USH1C: variants seen among roughly 807,000 people sequenced by gnomAD.
USH1C encodes harmonin.
USH1C carries 90 observed loss-of-function variants against 119.3 expected under a neutral mutation model. That is an observed-to-expected ratio of 0.75 (90% CI 0.64 to 0.90). The LOEUF (loss-of-function observed/expected upper bound fraction) is 0.90, where lower values mean the gene tolerates loss of function less well. USH1C is among the 40% of genes least tolerant of loss of function. The pLI is 0.00. For synonymous variants in USH1C, 465 were observed against 443.3 expected (o/e 1.05, Z -0.62); for missense variants, 1,165 against 1,167.7 (o/e 1.00, Z 0.03).
At position 17,516,328 on chromosome 11, in the gene USH1C, C is replaced by T. The variant is rs370366370; in HGVS notation, c.1211-38G>A. 8 of 1,598,546 alleles carry T rather than the reference C, an allele frequency of 5.0e-6. No homozygotes were observed. In the African/African-American group the frequency reaches 9.4e-5, roughly 19 times the overall value. ...GATAACAAAATGATGAGACACAGTT[C>T]AGCTCAGCCAGAGCATCCATGGGCA... On this transcript the variant is annotated intron_variant, in intron 14 of 26. Transcript: ENST00000005226.
At chr11:17,525,461 G>A (rs1850625916) in intron 8 of USH1C, among the ~76,000 whole-genome samples, 1 of 152,200 alleles carries the variant, frequency 6.6e-6, no homozygotes, top group Admixed American at 6.5e-5. Flanking sequence ...TATTTAGCAG[G>A]TACTAAGTTT....
intron 1 of USH1C, among the ~76,000 whole-genome samples, chr11:17,541,024 C>A (rs1370337396): frequency 6.6e-6 from 1 of 152,194 alleles, no homozygotes; most frequent in Non-Finnish European, 1.5e-5. Context: ...TACAGGCGGG[C>A]ATCTGCTTGC....
At chr11:17,497,027 C>T in intron 24 of USH1C, 1 of 544,036 alleles carries the variant, frequency 1.8e-6, no homozygotes, top group Non-Finnish European at 3.3e-6. Flanking sequence ...GCTGCAAGGC[C>T]CTTGAATGAC....
In USH1C at chr11:17,495,171, G is replaced by T. The variant is rs1849202092; in HGVS notation, c.2655+398C>A. 4.7e-5 allele frequency: 14 copies of T among 300,532 alleles called. No individual in the cohort carries two copies. In the South Asian group the frequency reaches 4.7e-4, roughly 10 times the overall value. The allele number at this position is 300,532 out of a possible 1,614,324, so 18.6% of individuals were successfully genotyped here. On this transcript the variant is annotated intron_variant, in intron 26 of 26. Coordinates refer to ENST00000005226, the MANE Select transcript of USH1C (RefSeq NM_153676.4). ...CACATTCTGTTGAGGACATCTCTTG[G>T]GGGCAATTCCAGCCAGGCTTCCTGT...
At chr11:17,509,289 C>A in intron 18 of USH1C, 67 bp downstream of exon 18, 1 of 1,504,720 alleles carries the variant, frequency 6.6e-7, no homozygotes, top group Non-Finnish European at 8.9e-7. Context: ...CAGTGGAGGA[C>A]ATGGGAAACA....
At chr11:17,508,496 G>A (rs1737112795) in intron 18 of USH1C, among the ~76,000 whole-genome samples, 1 of 152,198 alleles carries the variant, frequency 6.6e-6, no homozygotes, top group African/African-American at 2.4e-5. Context: ...ACCCTCAGCT[G>A]ACATGAGATG....
Position 17,526,417 on chromosome 11 carries a change from G to C in USH1C, c.604C>G (p.Pro202Ala). Reference protein sequence around the residue: ...SGGVRGSLGSPGNRENKEKKV... With the variant: ...SGGVRGSLGSAGNRENKEKKV... ...TTCTCCTTGTTTTCCCGATTTCCAG[G>C]GGAGCCCAGGCTGCCTCGCACGCCC... The change falls in exon 8 of 27, where the codon CCT becomes GCT. Residue 202 changes from proline to alanine, a missense_variant. By Grantham distance (27) the Pro-to-Ala change is conservative. Coordinates refer to ENST00000005226, the MANE Select transcript of USH1C (RefSeq NM_153676.4). 1 of 1,614,096 alleles carries C rather than the reference G, an allele frequency of 6.2e-7. No individual in the cohort carries two copies. The highest frequency in any genetic ancestry group is 8.5e-7 in the Non-Finnish European group (1 of 1,180,004).
chr11:17,533,772 C>A (rs78998926), intron 1 of USH1C: 1 of 459,046 alleles, frequency 2.2e-6, no homozygotes, highest in Admixed American at 2.3e-5. Context: ...TTGGGCCACT[C>A]GCTTAGATAG....
chr11:17,531,077 C>T lies in USH1C; in HGVS notation c.387+77G>A, dbSNP rs1850945096. On this transcript the variant is annotated intron_variant, in intron 4 of 26. Transcript: ENST00000005226. This position sits in a 1 kb window ranked among gnomAD's most constrained non-coding sequence, Gnocchi z 4.2. ...AAGTGGGTGACCATGTTGTGCCACACAGCCTAGTGGATGAATGAGGGGGAG... is the reference window on the plus strand; with the variant it reads ...AAGTGGGTGACCATGTTGTGCCACATAGCCTAGTGGATGAATGAGGGGGAG... 6.2e-7 allele frequency: 1 copy of T among 1,606,986 alleles called. No individual in the cohort carries two copies. Among genetic ancestry groups the T allele is most frequent in the Admixed American group, 1.7e-5 (1 of 59,216 alleles).
At chr11:17,537,252 T>C (rs1851265239) in intron 1 of USH1C, among the ~76,000 whole-genome samples, 1 of 152,244 alleles carries the variant, frequency 6.6e-6, no homozygotes, top group African/African-American at 2.4e-5. Context: ...TGCCTAGCAC[T>C]AGCCCGAGGA....
chr11:17,521,664 C>T (rs1850420421), intron 12 of USH1C, among the ~76,000 whole-genome samples: 1 of 152,138 alleles, frequency 6.6e-6, no homozygotes, highest in African/African-American at 2.4e-5. Context: ...ATGTGAAGGC[C>T]ACACTCCATG....
chr11:17,526,430 GC>G lies in USH1C; in HGVS notation c.590del (p.Gly197AlafsTer21), dbSNP rs764360108. On this transcript the variant is annotated frameshift_variant, in exon 8 of 27. Coordinates refer to ENST00000005226, the MANE Select transcript of USH1C (RefSeq NM_153676.4). LOFTEE classifies it high-confidence loss of function. ...QFVSESGGVR[G>X]SLGSPGNREN... ...CCCGATTTCCAGGGGAGCCCAGGCT[GC>G]CTCGCACGCCCTGAAAGAGAGATAG... is the stretch of plus-strand genomic sequence containing the variant. The G allele has an allele frequency of 6.2e-7, 1 of 1,613,984 alleles. No individual in the cohort carries two copies. The highest frequency in any genetic ancestry group is 1.1e-5 in the South Asian group (1 of 91,076).
At chr11:17,521,118 A>G (rs1850394161) in intron 13 of USH1C, 124 bp from the exon 14 acceptor site, 2 of 1,353,444 alleles carry the variant, frequency 1.5e-6, no homozygotes, top group Non-Finnish European at 2.1e-6. Flanking sequence ...TGAATCAAGC[A>G]AAGTCCCCGA....
intron 1 of USH1C, among the ~76,000 whole-genome samples, chr11:17,534,231 C>T (rs1565068302): frequency 6.6e-6 from 1 of 152,232 alleles, no homozygotes; most frequent in Non-Finnish European, 1.5e-5. Context: ...CAGCTGGAAG[C>T]TGCATGCTCT....
chr11:17,506,521 C>T (rs181373766), intron 18 of USH1C, among the ~76,000 whole-genome samples: 127 of 152,336 alleles, frequency 8.3e-4, no homozygotes, highest in African/African-American at 2.9e-3. Context: ...TCCCCAGTGT[C>T]CGCATTGACT....
At chr11:17,537,861 T>C (rs1851291768) in intron 1 of USH1C, among the ~76,000 whole-genome samples, 1 of 152,206 alleles carries the variant, frequency 6.6e-6, no homozygotes, top group Non-Finnish European at 1.5e-5. Context: ...GTGAACGTTA[T>C]CATCCCCACT....
chr11:17,540,196 A>G (rs2133957432), intron 1 of USH1C, among the ~76,000 whole-genome samples: 1 of 152,284 alleles, frequency 6.6e-6, no homozygotes, highest in Non-Finnish European at 1.5e-5. Context: ...GTATATATTT[A>G]GTGTATACAA....
intron 23 of USH1C, among the ~76,000 whole-genome samples, chr11:17,500,447 T>C (rs549005309): frequency 3.3e-5 from 5 of 152,270 alleles, no homozygotes; most frequent in African/African-American, 1.2e-4. Context: ...GAGGATTAAG[T>C]GAGTTAATAT....
At chr11:17,515,059 G>C (rs1850080162) in intron 15 of USH1C, among the ~76,000 whole-genome samples, 1 of 113,364 alleles carries the variant, frequency 8.8e-6, no homozygotes, top group South Asian at 2.9e-4. Flanking sequence ...GCATGTGTGT[G>C]TGTGCTTGTG....
Sources: allele counts gnomAD v4.1 joint callset (sites outside exome capture counted in the v4.1 genomes callset), GRCh38; gene constraint gnomAD v4.1.1; non-coding constraint Gnocchi (gnomAD v3.1); transcripts MANE v1.5; gene names NCBI Gene and HGNC (gene_info 2026-07-23, HGNC 2026-07-21).